The following HHAT variants were observed in gnomAD, a reference collection of about 807,000 sequenced individuals.
The protein encoded by HHAT is hedgehog acyltransferase.
Under a neutral mutation model 70.8 loss-of-function variants are expected in HHAT, and 47 were observed. That is an observed-to-expected ratio of 0.66 (90% CI 0.53 to 0.85). The LOEUF is 0.85. Among genes scored for constraint, HHAT ranks in the 40% least tolerant of loss-of-function variants. The pLI is 0.00. For missense variants in HHAT, 609 were observed against 604.8 expected, an observed-to-expected ratio of 1.01 and a Z score of -0.07; for synonymous variants, 228 against 247.6, an observed-to-expected ratio of 0.92 and a Z score of 0.74.
intron 8 of HHAT, among the ~76,000 whole-genome samples, chr1:210,503,764 A>C (rs1420343356): frequency 6.6e-6 from 1 of 151,242 alleles, no homozygotes; most frequent in Non-Finnish European, 1.5e-5. Flanking sequence ...GCTACTCCTC[A>C]AAGTTGCCGG....
At chr1:210,505,623 T>C (rs996811989) in intron 8 of HHAT, among the ~76,000 whole-genome samples, 1 of 152,154 alleles carries the variant, frequency 6.6e-6, no homozygotes, top group African/African-American at 2.4e-5. Context: ...AGCGATGTGC[T>C]TTGGTTTTTG....
At chr1:210,532,591 A>G (rs1464000405) in intron 9 of HHAT, among the ~76,000 whole-genome samples, 1 of 152,188 alleles carries the variant, frequency 6.6e-6, no homozygotes, top group Non-Finnish European at 1.5e-5. Flanking sequence ...CCTATAAGCA[A>G]CTGAGCAATC....
intron 3 of HHAT, among the ~76,000 whole-genome samples, chr1:210,377,121 C>A (rs1160622730): frequency 6.6e-6 from 1 of 152,168 alleles, no homozygotes; most frequent in Non-Finnish European, 1.5e-5. Flanking sequence ...GGCTGGGGAT[C>A]TTTTTTCCTT....
intron 11 of HHAT, among the ~76,000 whole-genome samples, chr1:210,636,827 C>T (rs1015786603): frequency 1.3e-5 from 2 of 152,070 alleles, no homozygotes; most frequent in Non-Finnish European, 2.9e-5. Context: ...AGGTAAATGC[C>T]TTATTAGTGA....
At chr1:210,393,972 T>A (rs184088096) in intron 4 of HHAT, among the ~76,000 whole-genome samples, 38 of 152,296 alleles carry the variant, frequency 2.5e-4, no homozygotes, top group African/African-American at 8.9e-4. Context: ...TTCGGGTAGT[T>A]GTTTTTGGTA....
chr1:210,621,795 C>A (rs1668877017), intron 10 of HHAT, among the ~76,000 whole-genome samples: 1 of 152,206 alleles, frequency 6.6e-6, no homozygotes, highest in Non-Finnish European at 1.5e-5. Flanking sequence ...CACCCTACAT[C>A]ACTGGAGAGC....
At chr1:210,337,110 A>G (rs552263604) in intron 1 of HHAT, among the ~76,000 whole-genome samples, 1 of 152,316 alleles carries the variant, frequency 6.6e-6, no homozygotes, top group South Asian at 2.1e-4. Flanking sequence ...GTTATGTTTG[A>G]TTATAAGATT....
intron 11 of HHAT, among the ~76,000 whole-genome samples, chr1:210,670,557 G>A (rs958591410): frequency 1.3e-5 from 2 of 152,204 alleles, no homozygotes; most frequent in African/African-American, 4.8e-5. Flanking sequence ...TATTCCTCCC[G>A]GAATTCACGT....
Position 210,587,755 on chromosome 1 carries a change from A to T in HHAT, c.1044-143A>T, listed in dbSNP as rs180679862. On this transcript the variant is annotated intron_variant, in intron 9 of 11. Coordinates refer to ENST00000261458, the MANE Select transcript of HHAT (RefSeq NM_018194.6). Reference sequence around the variant, plus strand: ...TTCGCCAACTCCTTGTGGGATGGAGAATCCAAGGAATCTGGCCTCTTGGAA... The same window carrying T: ...TTCGCCAACTCCTTGTGGGATGGAGTATCCAAGGAATCTGGCCTCTTGGAA... 2,654 of 666,474 alleles carry T rather than the reference A, an allele frequency of 4.0e-3. 12 individuals carry two copies. Among genetic ancestry groups the T allele is most frequent in the Non-Finnish European group, 5.9e-3 (2,281 of 386,366 alleles). 41.3% of individuals were successfully genotyped at this position (666,474 alleles called of 1,614,324 possible). A position where few individuals can be genotyped will look rare whatever the true frequency, so the allele number is the denominator to read the frequency against.
chr1:210,614,564 C>T (rs1240756058), intron 10 of HHAT, among the ~76,000 whole-genome samples: 1 of 152,094 alleles, frequency 6.6e-6, no homozygotes, highest in Non-Finnish European at 1.5e-5. Context: ...CTCTCCCCTC[C>T]CCCCACCTCA....
chr1:210,438,625 T>C (rs561447219), intron 7 of HHAT, among the ~76,000 whole-genome samples: 2 of 151,966 alleles, frequency 1.3e-5, no homozygotes, highest in East Asian at 3.9e-4. Flanking sequence ...TACGGTTATT[T>C]GGCTGTTTTA....
chr1:210,616,967 C>T (rs1667882858), intron 10 of HHAT, among the ~76,000 whole-genome samples: 1 of 152,192 alleles, frequency 6.6e-6, no homozygotes. Context: ...GGGTGACTGA[C>T]TTTGCTAGGA....
At chr1:210,387,060 C>T (rs903471162) in intron 3 of HHAT, among the ~76,000 whole-genome samples, 1 of 152,114 alleles carries the variant, frequency 6.6e-6, no homozygotes, top group African/African-American at 2.4e-5. Context: ...AGCCTCAATT[C>T]ATTACTTGTA....
intron 10 of HHAT, among the ~76,000 whole-genome samples, chr1:210,603,400 G>A (rs191394104): frequency 2.6e-5 from 4 of 151,978 alleles, no homozygotes; most frequent in South Asian, 2.1e-4. Context: ...TCTCAGTCTA[G>A]TGCCTAGCAG....
intron 8 of HHAT, among the ~76,000 whole-genome samples, chr1:210,488,408 C>G (rs1422060071): frequency 6.6e-6 from 1 of 152,126 alleles, no homozygotes; most frequent in Non-Finnish European, 1.5e-5. Context: ...ATGATATGCT[C>G]TAGTTATTTA....
chr1:210,558,431 G>A (rs995699555), intron 9 of HHAT, among the ~76,000 whole-genome samples: 1 of 152,238 alleles, frequency 6.6e-6, no homozygotes, highest in Non-Finnish European at 1.5e-5. Flanking sequence ...AAAGGATGCA[G>A]TTGTCCCTAA....
intron 3 of HHAT, among the ~76,000 whole-genome samples, chr1:210,370,522 A>T (rs1335963122): frequency 6.6e-6 from 1 of 151,656 alleles, no homozygotes; most frequent in African/African-American, 2.4e-5. Flanking sequence ...GAACTACTAG[A>T]TAGAAGAGAG....
Position 210,674,315 on chromosome 1 carries a change from T to C in HHAT, c.1418T>C (p.Leu473Pro). Residue 473 changes from leucine (L) to proline (P), a missense_variant, in exon 12 of 12, where the codon CTG becomes CCG. Physicochemically the swap from Leu to Pro is moderately conservative, Grantham distance 98 (BLOSUM62 -3). Coordinates refer to ENST00000261458, the MANE Select transcript of HHAT (RefSeq NM_018194.6). ...TGGCCTTGGGTGACCCTCTCTGTCC[T>C]GGGATTCCTGTACTGCTACTCCCAC... ...QGWPWVTLSV[L>P]GFLYCYSHVG... The C allele has an allele frequency of 6.2e-7, 1 of 1,614,196 alleles. No individual in the cohort carries two copies. Among genetic ancestry groups the C allele is most frequent in the Non-Finnish European group, 8.5e-7 (1 of 1,180,018 alleles).
intron 9 of HHAT, among the ~76,000 whole-genome samples, 172 bp from the exon 10 acceptor site, chr1:210,587,726 G>A (rs767732911): frequency 6.6e-6 from 1 of 152,162 alleles, no homozygotes; most frequent in Non-Finnish European, 1.5e-5. Context: ...CTAAGGCTTG[G>A]GTTTTCGCCA....
Sources: allele counts gnomAD v4.1 joint callset (sites outside exome capture counted in the v4.1 genomes callset), GRCh38; gene constraint gnomAD v4.1.1; transcripts MANE v1.5; gene names NCBI Gene and HGNC (gene_info 2026-07-23, HGNC 2026-07-21).